Variants in ARHGAP21 observed in about 807,000 individuals in gnomAD.
The protein encoded by ARHGAP21 is Rho GTPase activating protein 21.
In ARHGAP21, 38 loss-of-function variants were observed where a neutral mutation model predicts 164.6. The observed-to-expected ratio is 0.23, with a 90% CI of 0.18 to 0.30. The LOEUF (loss-of-function observed/expected upper bound fraction) is 0.30. ARHGAP21 is among the 10% of genes least tolerant of loss of function. The pLI is 1.00. For synonymous variants in ARHGAP21, 766 were observed against 857.9 expected (o/e 0.89, Z 1.87); for missense variants, 1,822 against 2,370.7 (o/e 0.77, Z 4.81).
At chr10:24,690,258 T>C (rs1330807126) in intron 2 of ARHGAP21, among the ~76,000 whole-genome samples, 1 of 152,200 alleles carries the variant, frequency 6.6e-6, no homozygotes, top group Non-Finnish European at 1.5e-5. Context: ...TTCCTAAGAA[T>C]GGAGCTGCTG....
At chr10:24,648,742 G>A (rs1043452594) in intron 4 of ARHGAP21, 72 of 906,960 alleles carry the variant, frequency 7.9e-5, no homozygotes, top group Admixed American at 1.3e-4. Context: ...TGGTGCCATC[G>A]CACTCCAGCC....
chr10:24,639,649 C>T (rs924017657), intron 4 of ARHGAP21, among the ~76,000 whole-genome samples: 12 of 151,540 alleles, frequency 7.9e-5, no homozygotes, highest in African/African-American at 1.2e-4. Context: ...GGGGATAGGA[C>T]GAGAAACATG....
rs1834340953 is a variant in ARHGAP21, at chr10:24,619,586, G to A, written c.2309C>T (p.Thr770Ile). ...VNDQETGSDT[T>I]CWLPNDARRE... ...ACGTGCATCATTGGGCAGCCAGCAG[G>A]TAGTGTCTGACCCGGTCTCCTGGTC... The change falls in exon 9 of 26, where the codon ACC becomes ATC. Residue 770 changes from threonine to isoleucine, a missense_variant. Coordinates refer to ENST00000396432, the MANE Select transcript of ARHGAP21 (RefSeq NM_020824.4). 6 of 1,614,164 alleles carry A rather than the reference G, an allele frequency of 3.7e-6. No individual in the cohort carries two copies. The highest frequency in any genetic ancestry group is 3.4e-6 in the Non-Finnish European group (4 of 1,180,030).
intron 4 of ARHGAP21, among the ~76,000 whole-genome samples, chr10:24,644,318 CCTCT>C (rs935068534): frequency 6.6e-6 from 1 of 152,088 alleles, no homozygotes. Context: ...ATATAGCTAC[CCTCT>C]CTATCCCTTT....
chr10:24,713,402 A>C (rs754772932), intron 2 of ARHGAP21, among the ~76,000 whole-genome samples: 9 of 152,218 alleles, frequency 5.9e-5, no homozygotes, highest in Non-Finnish European at 1.2e-4. Flanking sequence ...TCACCAGGGA[A>C]AAGTAAATAA....
chr10:24,705,601 G>A (rs983016965), intron 2 of ARHGAP21, among the ~76,000 whole-genome samples: 2 of 152,176 alleles, frequency 1.3e-5, no homozygotes, highest in Non-Finnish European at 2.9e-5. Context: ...ACTGAGAAAT[G>A]GTTGGGGCTG....
chr10:24,606,713 T>A (rs1275026101), intron 11 of ARHGAP21, among the ~76,000 whole-genome samples: 1 of 152,116 alleles, frequency 6.6e-6, no homozygotes, highest in Non-Finnish European at 1.5e-5. Flanking sequence ...AGGTGGCACA[T>A]GTCTGTAATC....
At chr10:24,604,219 T>C in intron 12 of ARHGAP21, 93 bp downstream of exon 12, 1 of 858,594 alleles carries the variant, frequency 1.2e-6, no homozygotes, top group Non-Finnish European at 1.7e-6. Context: ...AATAAAAGAT[T>C]ATAATATTTA....
chr10:24,601,070 TTG>T, intron 13 of ARHGAP21, 140 bp from the exon 14 acceptor site: 1 of 965,668 alleles, frequency 1.0e-6, no homozygotes, highest in Non-Finnish European at 1.5e-6. Flanking sequence ...ACTACATTAT[TTG>T]TGAGGAGAGG....
In ARHGAP21 at chr10:24,620,824, T is replaced by C. The variant is rs1185723656; in HGVS notation, c.1071A>G (p.Gly357=). 6.2e-7 allele frequency: 1 copy of C among 1,614,002 alleles called. No homozygotes were observed. The highest frequency in any genetic ancestry group is 8.5e-7 in the Non-Finnish European group (1 of 1,179,990). ...CAGCTTGAGATCTGCTGCTTGAGAT[T>C]CCATCAGAATGTCCACTGTAATTTC... ...KSGNYSGHSD[G]ISSSRSQAVE... is the part of the protein sequence containing the mutation. The change falls in exon 9 of 26, where the codon GGA becomes GGG. Residue 357 remains glycine (G), a synonymous_variant. Coordinates refer to ENST00000396432, the MANE Select transcript of ARHGAP21 (RefSeq NM_020824.4).
intron 14 of ARHGAP21, among the ~76,000 whole-genome samples, chr10:24,599,787 TTGA>T (rs1381995392): frequency 6.6e-6 from 1 of 152,198 alleles, no homozygotes; most frequent in African/African-American, 2.4e-5. Flanking sequence ...TGAAAATACC[TTGA>T]TGATCATAAG....
Position 24,584,002 on chromosome 10 carries a change from T to C in ARHGAP21, c.*410A>G, listed in dbSNP as rs543596193. The C allele has an allele frequency of 1.3e-5, 2 of 152,792 alleles. No individual in the cohort carries two copies. The highest frequency in any genetic ancestry group is 4.1e-4 in the South Asian group (2 of 4,822). The allele number at this position is 152,792 out of a possible 1,614,324, so 9.5% of individuals were successfully genotyped here. A position where few individuals can be genotyped will look rare whatever the true frequency, so the allele number is the denominator to read the frequency against. ...TCTGTTACCAATAAAACGCATTCGT[T>C]TATTCAATGTAAGTAAGTTATCTAA... On this transcript the variant is annotated 3_prime_UTR_variant, in exon 26 of 26. Transcript: ENST00000396432.
In ARHGAP21 at chr10:24,619,557, C is replaced by G; in HGVS notation, c.2338G>C (p.Glu780Gln). 1 of 1,614,126 alleles carries G rather than the reference C, an allele frequency of 6.2e-7. No homozygotes were observed. The highest frequency in any genetic ancestry group is 1.1e-5 in the South Asian group (1 of 91,074). Residue 780 changes from glutamate to glutamine, a missense_variant, in exon 9 of 26, where the codon GAG (glutamate) becomes CAG (glutamine). Coordinates refer to ENST00000396432, the MANE Select transcript of ARHGAP21 (RefSeq NM_020824.4). ...TCWLPNDARR[E>Q]VHIKRMEERK... ...TCCTCCATTCTTTTTATGTGGACCT[C>G]TCGACGTGCATCATTGGGCAGCCAG... is the stretch of plus-strand genomic sequence containing the variant.
intron 3 of ARHGAP21, among the ~76,000 whole-genome samples, chr10:24,667,694 G>A (rs962480406): frequency 2.1e-4 from 32 of 151,450 alleles, no homozygotes; most frequent in Admixed American, 1.4e-3. Context: ...AAAAACAGAC[G>A]TTCGGTGAAG....
chr10:24,634,943 C>A, intron 5 of ARHGAP21, 68 bp downstream of exon 5: 2 of 1,208,480 alleles, frequency 1.7e-6, no homozygotes, highest in Non-Finnish European at 2.3e-6. Flanking sequence ...AAATATCGAA[C>A]ATGAAATATG....
In ARHGAP21 at chr10:24,584,554, G is replaced by A; in HGVS notation, c.5735C>T (p.Ser1912Phe). The change falls in exon 26 of 26, where the codon TCC becomes TTC. Residue 1912 changes from serine to phenylalanine, a missense_variant. By Grantham distance (155) the Ser-to-Phe change is radical (BLOSUM62 -2). Around this residue, in one of 5 missense-constraint regions of ARHGAP21, gnomAD observed 165 missense variants for 176.6 expected, o/e 0.93. Coordinates refer to ENST00000396432, the MANE Select transcript of ARHGAP21 (RefSeq NM_020824.4). Reference sequence around the variant, plus strand: ...TTGGTCAGGTGACTGTGGTGGTATGGAAAGAAGGGGCCTGTTTGTTGAAGC... The same window carrying A: ...TTGGTCAGGTGACTGTGGTGGTATGAAAAGAAGGGGCCTGTTTGTTGAAGC... The part of the protein sequence containing the change: ...TLASTNRPLL[S>F]IPPQSPDQIN... The A allele has an allele frequency of 6.2e-7, 1 of 1,613,954 alleles. No individual in the cohort carries two copies. The highest frequency in any genetic ancestry group is 8.5e-7 in the Non-Finnish European group (1 of 1,179,870).
chr10:24,648,779 CAAA>C (rs11397639), intron 4 of ARHGAP21: 282 of 879,494 alleles, frequency 3.2e-4, no homozygotes, highest in Non-Finnish European at 3.4e-4. Context: ...AACTCTGTCT[CAAA>C]AAAAAAAAAA....
chr10:24,609,312 G>A (rs1235408196), intron 9 of ARHGAP21, among the ~76,000 whole-genome samples: 1 of 152,124 alleles, frequency 6.6e-6, no homozygotes, highest in Admixed American at 6.5e-5. Flanking sequence ...TTTCCTGATG[G>A]TATTCATTCA....
At chr10:24,691,127 G>A (rs1842734530) in intron 2 of ARHGAP21, among the ~76,000 whole-genome samples, 2 of 152,296 alleles carry the variant, frequency 1.3e-5, no homozygotes, top group South Asian at 4.1e-4. Flanking sequence ...GTCATCAGCT[G>A]GGGTAGCAGA....
Sources: gnomAD v4.1 joint callset for allele counts (sites outside exome capture counted in the v4.1 genomes callset) on GRCh38, gnomAD v4.1.1 for gene constraint, gnomAD v4.1.1 regional missense constraint, MANE v1.5 for transcripts, NCBI Gene and HGNC (gene_info 2026-07-23, HGNC 2026-07-21) for gene names.